The following FAM83H variants were observed in gnomAD, a reference collection of about 807,000 sequenced individuals.
FAM83H encodes the protein protein FAM83H.
A neutral mutation model predicts 30.2 loss-of-function variants in FAM83H; 24 were observed. That is an observed-to-expected ratio of 0.79 (90% confidence interval 0.57 to 1.12). FAM83H has a LOEUF of 1.12. Among genes scored for constraint, FAM83H ranks in the 50% most tolerant of loss-of-function variants. The pLI, the probability that FAM83H is intolerant of heterozygous loss-of-function variation, is 0.00. For synonymous variants in FAM83H, 1,013 were observed against 821.7 expected (o/e 1.23, Z -3.98); for missense variants, 2,038 against 1,773.9 (o/e 1.15, Z -2.67).
Position 143,730,369 on chromosome 8 carries a change from G to T in FAM83H, c.214C>A (p.Gln72Lys), listed in dbSNP as rs1418145344. 6.2e-7 allele frequency: 1 copy of T among 1,613,514 alleles called. No homozygotes were observed. The highest frequency in any genetic ancestry group is 1.3e-5 in the African/African-American group (1 of 74,962). ...EHVSRHLRPP[Q>K]YVTREPPEGS... ...TCAGGTGGCTCTCGGGTAACATACT[G>T]CGGAGGCCGAAGGTGTCGGCTCACA... is the stretch of plus-strand genomic sequence containing the variant. Residue 72 changes from glutamine (Q) to lysine (K), a missense_variant, in exon 2 of 5, where the codon CAG becomes AAG. Transcript: ENST00000388913.
chr8:143,731,998 G>A lies in FAM83H; in HGVS notation c.-15-1401C>T, dbSNP rs1416901500. 4.1e-6 allele frequency: 4 copies of A among 985,334 alleles called. No individual in the cohort carries two copies. The African/African-American group carries it at 5.2e-5, about 13-fold the overall frequency. The allele number at this position is 985,334 out of a possible 1,614,324, so 61.0% of individuals were successfully genotyped here. ...GGTTGGGGAGGGAGGCAGGACACCT[G>A]TCCCCGCCTAGCACACAGGTTCCTG... On this transcript the variant is annotated intron_variant, in intron 1 of 4. Coordinates refer to ENST00000388913, the MANE Select transcript of FAM83H (RefSeq NM_198488.5).
chr8:143,729,716 G>A (rs559894648), intron 2 of FAM83H, among the ~76,000 whole-genome samples: 44 of 152,346 alleles, frequency 2.9e-4, no homozygotes, highest in African/African-American at 1.0e-3. Context: ...CCTGGGCAGG[G>A]GAGAAAGTCA....
Position 143,726,684 on chromosome 8 carries a change from G to A in FAM83H, c.2777C>T (p.Pro926Leu), listed in dbSNP as rs548161428. ...VPPVPERRSS[P>L]VPPVPERRGS... ...CCTGCGCTCCGGCACGGGGGGCACC[G>A]GACTGCTCCTGCGCTCCGGCACGGG... is the stretch of plus-strand genomic sequence containing the variant. The change falls in exon 5 of 5, where the codon CCG (proline) becomes CTG (leucine). Residue 926 changes from proline to leucine, a missense_variant. Transcript: ENST00000388913. The A allele has an allele frequency of 1.6e-5, 26 of 1,598,616 alleles. No individual in the cohort carries two copies. Among genetic ancestry groups the A allele is most frequent in the Admixed American group, 8.5e-5 (5 of 59,080 alleles).
chr8:143,726,772 A>G lies in FAM83H; in HGVS notation c.2689T>C (p.Phe897Leu). 3 of 1,611,688 alleles carry G rather than the reference A, an allele frequency of 1.9e-6. No homozygotes were observed. Among genetic ancestry groups the G allele is most frequent in the Non-Finnish European group, 2.5e-6 (3 of 1,179,382 alleles). ...STRRGSPTTGFIEQKGSPTSA... is the reference protein window; with the variant it reads ...STRRGSPTTGLIEQKGSPTSA... ...GTGGGGCTCCCCTTCTGCTCGATAA[A>G]TCCTGTAGTTGGACTTCCTCTTCGA... The change falls in exon 5 of 5, where the codon TTT becomes CTT. Residue 897 changes from phenylalanine to leucine, a missense_variant. By Grantham distance (22) the Phe-to-Leu change is conservative. Coordinates refer to ENST00000388913, the MANE Select transcript of FAM83H (RefSeq NM_198488.5).
In FAM83H at chr8:143,726,708, G is replaced by T. The variant is rs906265524; in HGVS notation, c.2753C>A (p.Pro918His). 9 of 1,605,920 alleles carry T rather than the reference G, an allele frequency of 5.6e-6. No individual in the cohort carries two copies. The African/African-American group carries it at 1.2e-4, about 21-fold the overall frequency. ...YPERRGSPVP[P>H]VPERRSSPVP... ...CGGACTGCTCCTGCGCTCCGGCACG[G>T]GGGGCACCGGACTACCCCTGCGCTC... The change falls in exon 5 of 5, where the codon CCC (proline) becomes CAC (histidine). Residue 918 changes from proline (P) to histidine (H), a missense_variant. By Grantham distance (77) the Pro-to-His change is moderately conservative (BLOSUM62 -2). Transcript: ENST00000388913.
chr8:143,727,451 C>T lies in FAM83H; in HGVS notation c.2010G>A (p.Ser670=). The T allele has an allele frequency of 6.4e-7, 1 of 1,569,988 alleles. No homozygotes were observed. The highest frequency in any genetic ancestry group is 8.6e-7 in the Non-Finnish European group (1 of 1,165,436). ...PGLAKQDSFR[S]RLNPLVQRSS... ...TGCGCTGGACCAGGGGGTTCAGGCG[C>T]GAGCGGAATGAGTCCTGCTTGGCCA... The change falls in exon 5 of 5, where the codon TCG becomes TCA. Residue 670 remains serine, a synonymous_variant. Coordinates refer to ENST00000388913, the MANE Select transcript of FAM83H (RefSeq NM_198488.5).
In FAM83H at chr8:143,726,179, G is replaced by C. The variant is rs370482260; in HGVS notation, c.3282C>G (p.Phe1094Leu). The C allele has an allele frequency of 6.2e-7, 1 of 1,612,334 alleles. No homozygotes were observed. Among genetic ancestry groups the C allele is most frequent in the African/African-American group, 1.3e-5 (1 of 75,048 alleles). ...CCTGGGTCCCCAAGCTGTCCGAGCG[G>C]AAGATGGCTGAACACTTGTCCTTGT... ...MSDKDKCSAIFRSDSLGTQGR... is the reference protein window; with the variant it reads ...MSDKDKCSAILRSDSLGTQGR... The change falls in exon 5 of 5, where the codon TTC becomes TTG. Residue 1094 changes from phenylalanine (F) to leucine (L), a missense_variant. By Grantham distance (22) the Phe-to-Leu change is conservative (BLOSUM62 0). Coordinates refer to ENST00000388913, the MANE Select transcript of FAM83H (RefSeq NM_198488.5).
In FAM83H at chr8:143,726,470, C is replaced by A. The variant is rs782084718; in HGVS notation, c.2991G>T (p.Glu997Asp). 1.2e-6 allele frequency: 2 copies of A among 1,603,562 alleles called. No homozygotes were observed. The highest frequency in any genetic ancestry group is 8.5e-7 in the Non-Finnish European group (1 of 1,178,438). ...FPVPQENGQP[E>D]SPRRLSLGQG... Reference sequence around the variant, plus strand: ...GGCCCAGTGACAGACGCCGCGGGCTCTCGGGTTGGCCGTTCTCCTGCGGCA... The same window carrying A: ...GGCCCAGTGACAGACGCCGCGGGCTATCGGGTTGGCCGTTCTCCTGCGGCA... Residue 997 changes from glutamate (E) to aspartate (D), a missense_variant, in exon 5 of 5, where the codon GAG (glutamate) becomes GAT (aspartate). Physicochemically the swap from Glu to Asp is conservative, Grantham distance 45 (BLOSUM62 2). Coordinates refer to ENST00000388913, the MANE Select transcript of FAM83H (RefSeq NM_198488.5).
In FAM83H at chr8:143,727,281, C is replaced by T. The variant is rs1329405731; in HGVS notation, c.2180G>A (p.Arg727His). ...ETLGPGGEAVRSAASTKVAEL... is the reference protein window; with the variant it reads ...ETLGPGGEAVHSAASTKVAEL... ...CGCCACCTTGGTGGAAGCCGCGGAGCGCACGGCCTCTCCGCCGGGCCCCAG... is the reference window on the plus strand; with the variant it reads ...CGCCACCTTGGTGGAAGCCGCGGAGTGCACGGCCTCTCCGCCGGGCCCCAG... The change falls in exon 5 of 5, where the codon CGC becomes CAC. Residue 727 changes from arginine (R) to histidine (H), a missense_variant. Coordinates refer to ENST00000388913, the MANE Select transcript of FAM83H (RefSeq NM_198488.5). 4 of 1,536,052 alleles carry T rather than the reference C, an allele frequency of 2.6e-6. No individual in the cohort carries two copies. Among genetic ancestry groups the T allele is most frequent in the Non-Finnish European group, 3.5e-6 (4 of 1,146,972 alleles).
rs782407034 is a variant in FAM83H at position 143,730,347 on chromosome 8, G to A, written c.236C>T (p.Pro79Leu). Reference protein sequence around the residue: ...RPPQYVTREPPEGSLLDVDMD... With the variant: ...RPPQYVTREPLEGSLLDVDMD... The stretch of plus-strand genomic sequence containing the variant: ...GTCCACGTCGAGAAGGCTGCCTTCA[G>A]GTGGCTCTCGGGTAACATACTGCGG... Residue 79 changes from proline to leucine, a missense_variant, in exon 2 of 5, where the codon CCT (proline) becomes CTT (leucine). Pro to Leu is a moderately conservative substitution (Grantham distance 98). Transcript: ENST00000388913. 1.2e-6 allele frequency: 2 copies of A among 1,613,742 alleles called. No individual in the cohort carries two copies. Among genetic ancestry groups the A allele is most frequent in the East Asian group, 2.2e-5 (1 of 44,880 alleles).
At position 143,724,553 on chromosome 8, in the gene FAM83H, AC is replaced by A. The variant is rs1818211670; in HGVS notation, c.*1367del. On this transcript the variant is annotated 3_prime_UTR_variant, in exon 5 of 5. Transcript: ENST00000388913. ...CCTGGACAGATTCTTGGTGTTGGTG[AC>A]AAAGAGGAAAGGACCTGAGAATGGG... The A allele has an allele frequency of 6.6e-6, 1 of 152,294 alleles. No individual in the cohort carries two copies. Among genetic ancestry groups the A allele is most frequent in the African/African-American group, 2.4e-5 (1 of 41,554 alleles). The allele number at this position is 152,294 out of a possible 1,614,324, so 9.4% of individuals were successfully genotyped here.
At chr8:143,729,683 C>T (rs1185614017) in intron 2 of FAM83H, among the ~76,000 whole-genome samples, 1 of 152,252 alleles carries the variant, frequency 6.6e-6, no homozygotes, top group Non-Finnish European at 1.5e-5. Flanking sequence ...GGCTCCAGTT[C>T]TGCCCTGGGA....
rs1186945487 is a variant in FAM83H, at chr8:143,727,253, C to G, written c.2208G>C (p.Glu736Asp). ...VRSAASTKVA[E>D]LLEKYKGPAR... is the part of the protein sequence containing the mutation. Reference sequence around the variant, plus strand: ...CTGGGCCCTTGTACTTCTCCAGCAGCTCCGCCACCTTGGTGGAAGCCGCGG... The same window carrying G: ...CTGGGCCCTTGTACTTCTCCAGCAGGTCCGCCACCTTGGTGGAAGCCGCGG... The change falls in exon 5 of 5, where the codon GAG (glutamate) becomes GAC (aspartate). Residue 736 changes from glutamate (E) to aspartate (D), a missense_variant. Coordinates refer to ENST00000388913, the MANE Select transcript of FAM83H (RefSeq NM_198488.5). The G allele has an allele frequency of 1.3e-6, 2 of 1,534,958 alleles. No individual in the cohort carries two copies. Among genetic ancestry groups the G allele is most frequent in the African/African-American group, 2.7e-5 (2 of 73,026 alleles).
Position 143,727,615 on chromosome 8 carries a change from G to C in FAM83H, c.1846C>G (p.Pro616Ala), listed in dbSNP as rs1236169381. Residue 616 changes from proline (P) to alanine (A), a missense_variant, in exon 5 of 5, where the codon CCC (proline) becomes GCC (alanine). Pro to Ala is a conservative substitution (Grantham distance 27). Coordinates refer to ENST00000388913, the MANE Select transcript of FAM83H (RefSeq NM_198488.5). ...AEAYEDDVLA[P>A]GGRAPAGDLL... is the part of the protein sequence containing the mutation. Reference sequence around the variant, plus strand: ...TCGCCGGCAGGTGCCCGGCCCCCGGGAGCCAGCACGTCGTCTTCGTAAGCC... The same window carrying C: ...TCGCCGGCAGGTGCCCGGCCCCCGGCAGCCAGCACGTCGTCTTCGTAAGCC... 10 of 1,580,024 alleles carry C rather than the reference G, an allele frequency of 6.3e-6. No individual in the cohort carries two copies. Among genetic ancestry groups the C allele is most frequent in the African/African-American group, 2.7e-5 (2 of 73,656 alleles).
Position 143,729,090 on chromosome 8 carries a change from A to C in FAM83H, c.614T>G (p.Phe205Cys), listed in dbSNP as rs892754238. ...KCRVNLQHVD[F>C]LRVRTVAGPT... ...GCCCGCCACAGTCCGTACGCGCAGG[A>C]ACTGGGGAGGGAGGGGAGTCAGATC... The change falls in exon 4 of 5, where the codon TTC (phenylalanine) becomes TGC (cysteine). Residue 205 changes from phenylalanine to cysteine, a missense_variant and splice_region_variant. Phe to Cys is a radical substitution (Grantham distance 205, BLOSUM62 -2). Transcript: ENST00000388913. 3 of 1,613,546 alleles carry C rather than the reference A, an allele frequency of 1.9e-6. No individual in the cohort carries two copies. Among genetic ancestry groups the C allele is most frequent in the African/African-American group, 1.3e-5 (1 of 74,878 alleles).
intron 1 of FAM83H, chr8:143,732,618 C>T: frequency 2.0e-6 from 2 of 985,400 alleles, no homozygotes; most frequent in Non-Finnish European, 2.4e-6. Context: ...GCCAGGAGCC[C>T]TCCCAGCAGA....
intron 1 of FAM83H, chr8:143,731,246 A>C (rs1818511066): frequency 1.4e-6 from 1 of 713,242 alleles, no homozygotes; most frequent in Non-Finnish European, 1.7e-6. Context: ...TGCCTACTGG[A>C]CAAGCTGGTG....
Position 143,727,515 on chromosome 8 carries a change from C to T in FAM83H, c.1946G>A (p.Gly649Asp). The T allele has an allele frequency of 6.4e-7, 1 of 1,574,456 alleles. No individual in the cohort carries two copies. Among genetic ancestry groups the T allele is most frequent in the Non-Finnish European group, 8.6e-7 (1 of 1,167,842 alleles). Residue 649 changes from glycine to aspartate, a missense_variant, in exon 5 of 5, where the codon GGC becomes GAC. Physicochemically the swap from Gly to Asp is moderately conservative, Grantham distance 94 (BLOSUM62 -1). Transcript: ENST00000388913. Reference protein sequence around the residue: ...KVPVPGPGSGGNGPEREGPEE... With the variant: ...KVPVPGPGSGDNGPEREGPEE... The stretch of plus-strand genomic sequence containing the variant: ...CGGGCCCTCGCGCTCTGGGCCGTTG[C>T]CGCCGCTGCCCGGGCCTGGCACCGG...
Position 143,729,335 on chromosome 8 carries a change from G to C in FAM83H, c.448-12C>G. On this transcript the variant is annotated splice_polypyrimidine_tract_variant and intron_variant, in intron 2 of 4. Coordinates refer to ENST00000388913, the MANE Select transcript of FAM83H (RefSeq NM_198488.5). ...ACCACGGCCACCACCTGCAGGGGCG[G>C]GTCAGGACGGAGAGGAGAGGCCCCT... 1 of 1,612,596 alleles carries C rather than the reference G, an allele frequency of 6.2e-7. No individual in the cohort carries two copies. The highest frequency in any genetic ancestry group is 8.5e-7 in the Non-Finnish European group (1 of 1,179,928).
Sources: allele counts gnomAD v4.1 joint callset (sites outside exome capture counted in the v4.1 genomes callset), GRCh38; gene constraint gnomAD v4.1.1; transcripts MANE v1.5; gene names NCBI Gene and HGNC (gene_info 2026-07-23, HGNC 2026-07-21).